The following KCNMB4 variants were observed in gnomAD, a reference collection of about 807,000 sequenced individuals.
The protein encoded by KCNMB4 is potassium calcium-activated channel subfamily M regulatory beta subunit 4.
In KCNMB4, 3 loss-of-function variants were observed where a neutral mutation model predicts 20.7. The observed-to-expected ratio is 0.14, with a 90% CI of 0.07 to 0.37. The LOEUF (loss-of-function observed/expected upper bound fraction) is 0.37, where lower values mean the gene tolerates loss of function less well. KCNMB4 is among the 10% of genes least tolerant of loss of function. KCNMB4 has a pLI of 1.00. For missense variants in KCNMB4, 168 were observed against 265.9 expected (o/e 0.63, Z 2.56); for synonymous variants, 110 against 113.4 (o/e 0.97, Z 0.19).
At chr12:70,403,097 A>G (rs1319262733) in intron 2 of KCNMB4, among the ~76,000 whole-genome samples, 6 of 152,192 alleles carry the variant, frequency 3.9e-5, no homozygotes, top group African/African-American at 1.2e-4. Flanking sequence ...AGATTTGGGA[A>G]GGAAGAAGAA....
At chr12:70,425,785 G>A (rs1336643744) in intron 2 of KCNMB4, among the ~76,000 whole-genome samples, 1 of 152,180 alleles carries the variant, frequency 6.6e-6, no homozygotes, top group African/African-American at 2.4e-5. Flanking sequence ...AGTGATTTGA[G>A]TCTTGAACGA....
intron 1 of KCNMB4, among the ~76,000 whole-genome samples, chr12:70,379,119 A>C (rs374364240): frequency 7.9e-5 from 12 of 152,322 alleles, no homozygotes; most frequent in African/African-American, 2.9e-4. Flanking sequence ...CCATTTCTAA[A>C]GCACAGGCAG....
chr12:70,368,239 A>G (rs1278626469), intron 1 of KCNMB4, among the ~76,000 whole-genome samples: 1 of 152,140 alleles, frequency 6.6e-6, no homozygotes, highest in Non-Finnish European at 1.5e-5. Flanking sequence ...AAAAAATTCT[A>G]CATTAATATT....
At chr12:70,378,776 A>G (rs1016885655) in intron 1 of KCNMB4, among the ~76,000 whole-genome samples, 2 of 152,126 alleles carry the variant, frequency 1.3e-5, no homozygotes, top group Non-Finnish European at 2.9e-5. Context: ...ACCTCAAGTG[A>G]TTCACCCATC....
At chr12:70,390,653 A>C (rs1314547164) in intron 1 of KCNMB4, among the ~76,000 whole-genome samples, 3 of 152,296 alleles carry the variant, frequency 2.0e-5, no homozygotes, top group Admixed American at 6.5e-5. Flanking sequence ...TTGCTACTGA[A>C]AGCTGGCAGG....
chr12:70,386,428 A>C (rs951258203), intron 1 of KCNMB4, among the ~76,000 whole-genome samples: 4 of 152,132 alleles, frequency 2.6e-5, no homozygotes, highest in African/African-American at 9.7e-5. Flanking sequence ...TTTTTTAACT[A>C]TATGAAGACT....
chr12:70,406,960 A>G (rs573235116), intron 2 of KCNMB4, among the ~76,000 whole-genome samples: 1 of 152,308 alleles, frequency 6.6e-6, no homozygotes, highest in East Asian at 1.9e-4. Flanking sequence ...TTCCACACCA[A>G]GCAGTTCAGT....
intron 1 of KCNMB4, among the ~76,000 whole-genome samples, chr12:70,382,364 C>T (rs1274704991): frequency 1.5e-5 from 2 of 136,912 alleles, no homozygotes; most frequent in African/African-American, 2.8e-5. Context: ...ACCCGGAAGG[C>T]GGAGCTTGCA....
Position 70,367,049 on chromosome 12 carries a change from C to G in KCNMB4, c.315C>G (p.His105Gln). 6.5e-7 allele frequency: 1 copy of G among 1,546,642 alleles called. No individual in the cohort carries two copies. The highest frequency in any genetic ancestry group is 1.4e-5 in the African/African-American group (1 of 73,908). Residue 105 changes from histidine (H) to glutamine (Q), a missense_variant, in exon 1 of 3, where the codon CAC becomes CAG. Physicochemically the swap from His to Gln is conservative, Grantham distance 24 (BLOSUM62 0). Coordinates refer to ENST00000258111, the MANE Select transcript of KCNMB4 (RefSeq NM_014505.6). The part of the protein sequence containing the change: ...NSRALLHSDE[H>Q]QLLTNPKCSY... The stretch of plus-strand genomic sequence containing the variant: ...GGGCGCTGCTGCACAGCGACGAGCA[C>G]CAGCTCCTGACCAACCCCAAGGTAA...
intron 1 of KCNMB4, among the ~76,000 whole-genome samples, chr12:70,371,257 A>T (rs1216920437): frequency 6.6e-6 from 1 of 152,196 alleles, no homozygotes; most frequent in African/African-American, 2.4e-5. Context: ...CCAGTACTCT[A>T]GAAGTGAGAG....
At chr12:70,390,070 A>C (rs1868287603) in intron 1 of KCNMB4, among the ~76,000 whole-genome samples, 1 of 152,228 alleles carries the variant, frequency 6.6e-6, no homozygotes, top group Admixed American at 6.5e-5. Flanking sequence ...ATAAACAATC[A>C]GATGTTCTGC....
chr12:70,411,839 GT>G (rs1484268302), intron 2 of KCNMB4, among the ~76,000 whole-genome samples: 2 of 152,206 alleles, frequency 1.3e-5, no homozygotes, highest in African/African-American at 4.8e-5. Flanking sequence ...TACTGTGCGT[GT>G]ATGTCATGCT....
Position 70,366,757 on chromosome 12 carries a change from A to G in KCNMB4, c.23A>G (p.Tyr8Cys). The G allele has an allele frequency of 6.2e-7, 1 of 1,604,918 alleles. No individual in the cohort carries two copies. The stretch of plus-strand genomic sequence containing the variant: ...GCGATGGCGAAGCTCCGGGTGGCTT[A>G]CGAGTACACGGAAGCCGAGGACAAG... MAKLRVA[Y>C]EYTEAEDKSI... The change falls in exon 1 of 3, where the codon TAC (tyrosine) becomes TGC (cysteine). Residue 8 changes from tyrosine to cysteine, a missense_variant. Transcript: ENST00000258111.
intron 2 of KCNMB4, among the ~76,000 whole-genome samples, chr12:70,422,063 T>C (rs1211737226): frequency 6.6e-6 from 1 of 152,136 alleles, no homozygotes; most frequent in Non-Finnish European, 1.5e-5. Flanking sequence ...CAATAATTCA[T>C]CTCTCCCATA....
chr12:70,428,919 T>C (rs1275107322), intron 2 of KCNMB4, among the ~76,000 whole-genome samples: 1 of 152,244 alleles, frequency 6.6e-6, no homozygotes, highest in East Asian at 1.9e-4. Context: ...CTGCGTTTAC[T>C]TAATATAAAT....
intron 1 of KCNMB4, 51 bp from the exon 2 acceptor site, chr12:70,400,158 C>G (rs1208366437): frequency 2.1e-6 from 3 of 1,411,764 alleles, no homozygotes; most frequent in African/African-American, 2.9e-5. Flanking sequence ...AAGACTGTAT[C>G]TCAATGTTCC....
intron 1 of KCNMB4, among the ~76,000 whole-genome samples, chr12:70,388,831 A>G (rs1868277814): frequency 6.6e-6 from 1 of 152,164 alleles, no homozygotes; most frequent in Non-Finnish European, 1.5e-5. Context: ...CCTTCAGTGA[A>G]TGTTTGCTCT....
chr12:70,386,601 T>G (rs536000093), intron 1 of KCNMB4, among the ~76,000 whole-genome samples: 17 of 151,408 alleles, frequency 1.1e-4, no homozygotes, highest in Non-Finnish European at 1.6e-4. Context: ...TTTGTTGTTT[T>G]TTTTTTTTTT....
chr12:70,366,656 C>A lies in KCNMB4; in HGVS notation c.-79C>A. On this transcript the variant is annotated 5_prime_UTR_variant, in exon 1 of 3. Transcript: ENST00000258111. ...GGCGGCGGTGGCGGCGGCGGCTCCT[C>A]CCGCCCGAGGCAGTCGGGCTCGGCG... 8.9e-7 allele frequency: 1 copy of A among 1,120,174 alleles called. No individual in the cohort carries two copies. The highest frequency in any genetic ancestry group is 1.1e-6 in the Non-Finnish European group (1 of 892,610). 69.4% of individuals were successfully genotyped at this position (1,120,174 alleles called of 1,614,324 possible). A position where few individuals can be genotyped will look rare whatever the true frequency, so the allele number is the denominator to read the frequency against.
Sources: gnomAD v4.1 joint callset for allele counts (sites outside exome capture counted in the v4.1 genomes callset) on GRCh38, gnomAD v4.1.1 for gene constraint, MANE v1.5 for transcripts, NCBI Gene and HGNC (gene_info 2026-07-23, HGNC 2026-07-21) for gene names.